NLGN4X: variants seen among roughly 807,000 people sequenced by gnomAD.
NLGN4X encodes neuroligin-4, X-linked.
A neutral mutation model predicts 40.3 loss-of-function variants in NLGN4X; 3 were observed. That is an observed-to-expected ratio of 0.07 (90% CI 0.03 to 0.19). The LOEUF (loss-of-function observed/expected upper bound fraction) is 0.19. Ranked by LOEUF, NLGN4X falls within the 10% of genes least tolerant of loss-of-function variation. The pLI is 1.00. For missense variants in NLGN4X, 382 were observed against 708.3 expected, an observed-to-expected ratio of 0.54 and a Z score of 5.23; for synonymous variants, 270 against 306.8, an observed-to-expected ratio of 0.88 and a Z score of 1.25.
At chrX:5,963,698 A>C (rs1241504408) in intron 3 of NLGN4X, among the ~76,000 whole-genome samples, 1 of 112,078 alleles carries the variant, frequency 8.9e-6, no homozygotes, top group Non-Finnish European at 1.9e-5. Flanking sequence ...TTTAAAAGCC[A>C]CTTGCATGTC....
At position 6,130,032 on chromosome X, in the gene NLGN4X, C is replaced by T. The variant is rs147916933; in HGVS notation, c.472+20963G>A. On this transcript the variant is annotated intron_variant, in intron 2 of 5. Coordinates refer to ENST00000381095, the MANE Select transcript of NLGN4X (RefSeq NM_181332.3). Reference sequence around the variant, plus strand: ...TTCCTAGTAACTGAGACTACAGGTACGTGCCATCACACTCAGCTAACTTTT... The same window carrying T: ...TTCCTAGTAACTGAGACTACAGGTATGTGCCATCACACTCAGCTAACTTTT... 3.3e-3 allele frequency among the ~76,000 whole-genome samples: 365 copies of T among 109,586 alleles called. 1 individual carries two copies. The highest frequency in any genetic ancestry group is 0.011 in the African/African-American group (345 of 30,106).
At chrX:6,030,917 C>T (rs575773386) in intron 2 of NLGN4X, among the ~76,000 whole-genome samples, 120 of 111,708 alleles carry the variant, frequency 1.1e-3, no homozygotes, top group African/African-American at 3.8e-3. Context: ...CCATTACCAG[C>T]GGTTGCCTAG....
chrX:6,082,756 AGGTAGAAGGGTG>A (rs2038381511), intron 2 of NLGN4X, among the ~76,000 whole-genome samples: 1 of 109,068 alleles, frequency 9.2e-6, no homozygotes, highest in Non-Finnish European at 1.9e-5. Flanking sequence ...GCTCCCGGGC[AGGTAGAAGGGTG>A]GGTGTGCTGA....
intron 3 of NLGN4X, among the ~76,000 whole-genome samples, chrX:6,015,869 T>C (rs752366012): frequency 9.6e-4 from 107 of 111,846 alleles, no homozygotes; most frequent in African/African-American, 3.2e-3. Flanking sequence ...TATGAGTCAA[T>C]ATTCAGAGTC....
intron 1 of NLGN4X, among the ~76,000 whole-genome samples, chrX:6,213,544 C>A (rs770498062): frequency 1.8e-5 from 2 of 112,200 alleles, no homozygotes; most frequent in Non-Finnish European, 3.8e-5. Flanking sequence ...ATGCGATATG[C>A]GTGTGGAGTT....
intron 2 of NLGN4X, among the ~76,000 whole-genome samples, chrX:6,114,585 G>T (rs995191080): frequency 9.2e-6 from 1 of 108,900 alleles, no homozygotes; most frequent in East Asian, 2.9e-4. Flanking sequence ...CACCTGCTTG[G>T]AATAAGAAAG....
intron 2 of NLGN4X, among the ~76,000 whole-genome samples, chrX:6,147,418 G>A (rs2040072294): frequency 1.8e-5 from 2 of 111,559 alleles, no homozygotes; most frequent in African/African-American, 6.5e-5. Flanking sequence ...CAGTATCACT[G>A]GTTCTCATTA....
chrX:6,142,059 T>A (rs929493940), intron 2 of NLGN4X, among the ~76,000 whole-genome samples: 1 of 111,395 alleles, frequency 9.0e-6, no homozygotes, highest in African/African-American at 3.3e-5. Flanking sequence ...AAAAAAAAAT[T>A]CTTATGATAT....
intron 3 of NLGN4X, among the ~76,000 whole-genome samples, chrX:6,010,534 A>ATTATTATTATTATTATTATTATTATTC (rs1189838328): frequency 9.6e-6 from 1 of 103,873 alleles, no homozygotes; most frequent in East Asian, 3.0e-4. Flanking sequence ...TATTATTATT[A>ATTATTATTATTATTATTATTATTATTC]TTATTATTAT....
chrX:6,032,176 C>G (rs926459327), intron 2 of NLGN4X, among the ~76,000 whole-genome samples: 1 of 96,678 alleles, frequency 1.0e-5, no homozygotes. Context: ...TATCAGAAAT[C>G]TATGTTGGAA....
At chrX:6,001,327 A>G (rs776489372) in intron 3 of NLGN4X, among the ~76,000 whole-genome samples, 1 of 112,168 alleles carries the variant, frequency 8.9e-6, no homozygotes, top group Non-Finnish European at 1.9e-5. Context: ...ACCAAGTCAA[A>G]TGGAGTACAA....
rs185106562 is a variant in NLGN4X, at chrX:5,908,147, A to G, written c.811+907T>C. 8.7e-5 allele frequency among the ~76,000 whole-genome samples: 9 copies of G among 103,939 alleles called. No homozygotes were observed. In the East Asian group the frequency reaches 2.5e-3, roughly 29 times the overall value. The allele number at this position is 103,939 out of a possible 115,157, so 90.3% of individuals were successfully genotyped here. A position where few individuals can be genotyped will look rare whatever the true frequency, so the allele number is the denominator to read the frequency against. On this transcript the variant is annotated intron_variant, in intron 4 of 5. Transcript: ENST00000381095. ...GAGGGAGCAGGAGAGAGGTAGAGGGAGGAGGACATAGAGAGGGAGAGAGAC... is the reference window on the plus strand; with the variant it reads ...GAGGGAGCAGGAGAGAGGTAGAGGGGGGAGGACATAGAGAGGGAGAGAGAC...
chrX:6,151,395 A>G lies in NLGN4X; in HGVS notation c.72T>C (p.Asn24=). 1 of 1,211,812 alleles carries G rather than the reference A, an allele frequency of 8.3e-7. No homozygotes were observed. The highest frequency in any genetic ancestry group is 1.1e-6 in the Non-Finnish European group (1 of 895,429). The change falls in exon 2 of 6, where the codon AAT becomes AAC. Residue 24 remains asparagine (N), a synonymous_variant. Coordinates refer to ENST00000381095, the MANE Select transcript of NLGN4X (RefSeq NM_181332.3). ...FTPVCVMLNS[N]VLLWLTALAI... ...CAAGAGCAGTTAACCACAGGAGGACATTGGAGTTTAACATGACGCAGACCG... is the reference window on the plus strand; with the variant it reads ...CAAGAGCAGTTAACCACAGGAGGACGTTGGAGTTTAACATGACGCAGACCG...
chrX:6,068,428 A>G (rs893155878), intron 2 of NLGN4X, among the ~76,000 whole-genome samples: 1 of 111,320 alleles, frequency 9.0e-6, no homozygotes, highest in African/African-American at 3.3e-5. Context: ...AAGCTTTCTC[A>G]GAATGTCTAT....
chrX:5,948,738 T>C (rs914933895), intron 3 of NLGN4X, among the ~76,000 whole-genome samples: 9 of 112,297 alleles, frequency 8.0e-5, no homozygotes, highest in Non-Finnish European at 1.5e-4. Context: ...GGTTAGCTAA[T>C]GTTGTGTAAC....
At chrX:6,150,460 G>A (rs1275658142) in intron 2 of NLGN4X, among the ~76,000 whole-genome samples, 5 of 111,793 alleles carry the variant, frequency 4.5e-5, no homozygotes, top group East Asian at 2.8e-4. Context: ...TAAGAAAACC[G>A]ATTCTAAACA....
At position 5,941,180 on chromosome X, in the gene NLGN4X, G is replaced by GCGTGTGTGTGT. The variant is rs1569143828; in HGVS notation, c.626-31942_626-31941insACACACACACG. Among the ~76,000 whole-genome samples, 14 of 58,625 alleles carry GCGTGTGTGTGT rather than the reference G, an allele frequency of 2.4e-4. 1 individual carries two copies. Among genetic ancestry groups the GCGTGTGTGTGT allele is most frequent in the African/African-American group, 7.5e-4 (13 of 17,276 alleles). 50.9% of individuals were successfully genotyped at this position (58,625 alleles called of 115,157 possible). ...CGTTGTTCTGGATCGTATGCTAGGG[G>GCGTGTGTGTGT]GTGTGTGTGTGTGTGTGTGTGTGTG... is the stretch of plus-strand genomic sequence containing the variant. On this transcript the variant is annotated intron_variant, in intron 3 of 5. Transcript: ENST00000381095.
chrX:6,043,275 T>A (rs1253594724), intron 2 of NLGN4X, among the ~76,000 whole-genome samples: 1 of 109,779 alleles, frequency 9.1e-6, no homozygotes, highest in Non-Finnish European at 1.9e-5. Context: ...AATTTTATTT[T>A]CAATGTGACT....
intron 2 of NLGN4X, among the ~76,000 whole-genome samples, chrX:6,077,286 G>GTC (rs2038225887): frequency 2.0e-5 from 2 of 102,318 alleles, no homozygotes; most frequent in South Asian, 4.7e-4. Context: ...GTGTGTGTGT[G>GTC]TGTGTGTGTC....
Sources: allele counts gnomAD v4.1 joint callset (sites outside exome capture counted in the v4.1 genomes callset), GRCh38; gene constraint gnomAD v4.1.1; transcripts MANE v1.5; gene names NCBI Gene and HGNC (gene_info 2026-07-23, HGNC 2026-07-21).